The following TJAP1 variants were observed in gnomAD, a reference collection of about 807,000 sequenced individuals.
The protein encoded by TJAP1 is tight junction-associated protein 1.
A neutral mutation model predicts 42.0 loss-of-function variants in TJAP1; 27 were observed. The ratio of observed to expected loss-of-function variants is 0.64; its 90% confidence interval spans 0.47 to 0.89. The LOEUF (loss-of-function observed/expected upper bound fraction) is 0.89, where lower values mean the gene tolerates loss of function less well. Among genes scored for constraint, TJAP1 ranks in the 40% least tolerant of loss-of-function variants. The pLI is 0.00. For synonymous variants in TJAP1, 257 were observed against 288.4 expected, an observed-to-expected ratio of 0.89 and a Z score of 1.10; for missense variants, 712 against 726.9, an observed-to-expected ratio of 0.98 and a Z score of 0.24.
chr6:43,494,648 C>CTTT lies in TJAP1; in HGVS notation c.-121-3214_-121-3212dup, dbSNP rs775378416. On this transcript the variant is annotated intron_variant, in intron 2 of 10. Coordinates refer to ENST00000372449, the Ensembl canonical transcript of TJAP1. Reference sequence around the variant, plus strand: ...AGTGGGATTCTTCCTTGTTGATTTCCTTTTTTTTTTTTTTTTTTTTTGAGA... The same window carrying CTTT: ...AGTGGGATTCTTCCTTGTTGATTTCCTTTTTTTTTTTTTTTTTTTTTTTTGAGA... Among the ~76,000 whole-genome samples the CTTT allele has an allele frequency of 1.4e-3, 163 of 114,376 alleles. 3 individuals are homozygous for CTTT. Among genetic ancestry groups the CTTT allele is most frequent in the African/African-American group, 4.7e-3 (108 of 23,048 alleles). The allele number at this position is 114,376 out of a possible 152,430, so 75.0% of individuals were successfully genotyped here. A position where few individuals can be genotyped will look rare whatever the true frequency, so the allele number is the denominator to read the frequency against.
At chr6:43,502,346 A>G (rs1219564745) in exon 7 of TJAP1, 1 of 1,613,436 alleles carries the variant, frequency 6.2e-7, no homozygotes, top group Non-Finnish European at 8.5e-7. Context: ...AGCTGCACAC[A>G]CTGGTAATCT....
chr6:43,502,072 A>ACTCTCTCT lies in TJAP1; in HGVS notation c.291-210_291-209insTCTCTCTC, dbSNP rs1319116155. Among the ~76,000 whole-genome samples, 184 of 117,216 alleles carry ACTCTCTCT rather than the reference A, an allele frequency of 1.6e-3. 21 individuals are homozygous for ACTCTCTCT. Among genetic ancestry groups the ACTCTCTCT allele is most frequent in the African/African-American group, 7.6e-3 (165 of 21,750 alleles). 76.9% of individuals were successfully genotyped at this position (117,216 alleles called of 152,430 possible). The stretch of plus-strand genomic sequence containing the variant: ...GACACACACACACACACACACACAC[A>ACTCTCTCT]CACACTCTCTCTCTCTCTCTCTCTC... On this transcript the variant is annotated intron_variant, in intron 6 of 10. Transcript: ENST00000372449.
In TJAP1 at chr6:43,501,707, GACACACACACACACACACACACACAC is replaced by G. The variant is rs70990192; in HGVS notation, c.290+47_290+72del. On this transcript the variant is annotated intron_variant, in intron 6 of 10. Transcript: ENST00000372449. ...CCGCAGGTGTGGGAATGAGGGGCCA[GACACACACACACACACACACACACAC>G]ACACACACACACACACACACACACA... is the stretch of plus-strand genomic sequence containing the variant. 78 of 571,808 alleles carry G rather than the reference GACACACACACACACACACACACACAC, an allele frequency of 1.4e-4. No individual in the cohort carries two copies. Among genetic ancestry groups the G allele is most frequent in the Middle Eastern group, 8.9e-4 (2 of 2,242 alleles). 35.4% of individuals were successfully genotyped at this position (571,808 alleles called of 1,614,324 possible). A position where few individuals can be genotyped will look rare whatever the true frequency, so the allele number is the denominator to read the frequency against.
intron 6 of TJAP1, among the ~76,000 whole-genome samples, chr6:43,501,956 C>CT (rs1431785736): frequency 2.6e-4 from 34 of 129,568 alleles, no homozygotes; most frequent in African/African-American, 7.0e-4. Flanking sequence ...CTCTCTCTCT[C>CT]CTTTCATAGG....
intron 7 of TJAP1, 116 bp from the exon 8 acceptor site, chr6:43,502,472 G>A: frequency 1.3e-6 from 2 of 1,482,728 alleles, no homozygotes; most frequent in Non-Finnish European, 1.8e-6. Flanking sequence ...TGGGGCAGTG[G>A]TGGGGGTACT....
intron 2 of TJAP1, 67 bp from the exon 3 acceptor site, chr6:43,497,814 G>A (rs1582045632): frequency 6.6e-6 from 1 of 152,302 alleles, no homozygotes; most frequent in East Asian, 1.9e-4. Flanking sequence ...CTGGGCAGCA[G>A]GCCTGTAGCA....
At chr6:43,500,339 A>T (rs1790243468) in intron 4 of TJAP1, among the ~76,000 whole-genome samples, 1 of 152,150 alleles carries the variant, frequency 6.6e-6, no homozygotes, top group Non-Finnish European at 1.5e-5. Context: ...GCTTTGTCAG[A>T]GCTCAGAACT....
intron 2 of TJAP1, among the ~76,000 whole-genome samples, chr6:43,480,242 A>G (rs892964208): frequency 1.3e-5 from 2 of 152,240 alleles, no homozygotes; most frequent in African/African-American, 4.8e-5. Context: ...GTCTCTTTAT[A>G]TAGATAGCAT....
Position 43,501,650 on chromosome 6 carries a change from C to T in TJAP1, c.253C>T (p.Arg85Cys), listed in dbSNP as rs141607775. 13 of 1,535,500 alleles carry T rather than the reference C, an allele frequency of 8.5e-6. No homozygotes were observed. Among genetic ancestry groups the T allele is most frequent in the East Asian group, 2.3e-5 (1 of 44,394 alleles). ...CCTGGAGCTGGAGCTGGGCCAGAGC[C>T]GCGAGGAGCTGGACAAATTTAAGGA... The change falls in exon 6 of 11, where the codon CGC becomes TGC. Residue 85 changes from arginine (R) to cysteine (C), a missense_variant. By Grantham distance (180) the Arg-to-Cys change is radical (BLOSUM62 -3). Transcript: ENST00000372449.
chr6:43,485,427 G>C (rs111943320), intron 2 of TJAP1, among the ~76,000 whole-genome samples: 2,801 of 152,250 alleles, frequency 0.018, 34 homozygotes, highest in South Asian at 0.039. Context: ...AGCCCCAATT[G>C]CTAACAAACA....
intron 6 of TJAP1, 27 bp from the exon 7 acceptor site, chr6:43,502,256 G>A (rs949820409): frequency 1.2e-6 from 2 of 1,613,416 alleles, no homozygotes; most frequent in Admixed American, 1.7e-5. Flanking sequence ...TTGACCCAGG[G>A]ATGTGCCTTG....
At chr6:43,493,616 T>C (rs1788301058) in intron 2 of TJAP1, among the ~76,000 whole-genome samples, 1 of 152,162 alleles carries the variant, frequency 6.6e-6, no homozygotes, top group Non-Finnish European at 1.5e-5. Flanking sequence ...CCTCCTTTCC[T>C]CTTCTGCATC....
chr6:43,497,585 G>A (rs1288491765), intron 2 of TJAP1: 1 of 152,238 alleles, frequency 6.6e-6, no homozygotes, highest in Non-Finnish European at 1.5e-5. Context: ...TGTGGAGTAG[G>A]GACAGGACGG....
intron 2 of TJAP1, among the ~76,000 whole-genome samples, chr6:43,482,615 TG>T (rs1785549381): frequency 6.6e-6 from 1 of 152,212 alleles, no homozygotes; most frequent in South Asian, 2.1e-4. Flanking sequence ...GTGTCATAAT[TG>T]CCTGTTTACT....
intron 8 of TJAP1, 62 bp from the exon 9 acceptor site, chr6:43,503,339 G>A: frequency 7.6e-7 from 1 of 1,323,452 alleles, no homozygotes; most frequent in Non-Finnish European, 1.1e-6. Flanking sequence ...ATGGGAGGAG[G>A]TGGAGGGAGA....
chr6:43,504,448 A>T (rs1582133772), intron 10 of TJAP1: 3 of 407,386 alleles, frequency 7.4e-6, no homozygotes, highest in Admixed American at 3.9e-5. Context: ...CTACTGGTCT[A>T]TGCAGATTCT....
chr6:43,491,078 T>G lies in TJAP1; in HGVS notation c.-121-6803T>G, dbSNP rs1787705883. 6.6e-6 allele frequency among the ~76,000 whole-genome samples: 1 copy of G among 152,164 alleles called. No homozygotes were observed. The highest frequency in any genetic ancestry group is 2.4e-5 in the African/African-American group (1 of 41,432). On this transcript the variant is annotated intron_variant, in intron 2 of 10. Coordinates refer to ENST00000372449, the Ensembl canonical transcript of TJAP1. The surrounding 1 kb of genome is among the most constrained non-coding windows in gnomAD (Gnocchi z 4.6). ...CAGGGGGAGCTTGAGAACAGAAGGC[T>G]GCCTAAGTGGATTCTGTTCCCCTTG...
chr6:43,493,510 A>G (rs535480511), intron 2 of TJAP1, among the ~76,000 whole-genome samples: 1 of 152,260 alleles, frequency 6.6e-6, no homozygotes, highest in South Asian at 2.1e-4. Context: ...GGAAAAGCCA[A>G]AGAACCATAT....
At chr6:43,502,757 C>T in intron 8 of TJAP1, 140 bp downstream of exon 8, 1 of 933,662 alleles carries the variant, frequency 1.1e-6, no homozygotes, top group Non-Finnish European at 1.7e-6. Context: ...GCCCGTTTAA[C>T]TGTCAATGCC....
Sources: gnomAD v4.1 joint callset for allele counts (sites outside exome capture counted in the v4.1 genomes callset) on GRCh38, gnomAD v4.1.1 for gene constraint, Gnocchi (gnomAD v3.1) non-coding constraint, MANE v1.5 for transcripts, NCBI Gene and HGNC (gene_info 2026-07-23, HGNC 2026-07-21) for gene names.